LHFPL3: variants seen among roughly 807,000 people sequenced by gnomAD.
LHFPL3 encodes the protein LHFPL tetraspan subfamily member 3.
In LHFPL3, 5 loss-of-function variants were observed where a neutral mutation model predicts 19.3. The observed-to-expected ratio is 0.26, with a 90% confidence interval of 0.14 to 0.54. The LOEUF (loss-of-function observed/expected upper bound fraction) is 0.54, where lower values mean the gene tolerates loss of function less well. Among genes scored for constraint, LHFPL3 ranks in the 20% least tolerant of loss-of-function variants. LHFPL3 has a pLI of 0.94. For missense variants in LHFPL3, 249 were observed against 307.4 expected, an observed-to-expected ratio of 0.81 and a Z score of 1.42; for synonymous variants, 133 against 126.2, an observed-to-expected ratio of 1.05 and a Z score of -0.36.
intron 2 of LHFPL3, among the ~76,000 whole-genome samples, chr7:104,818,439 G>C (rs1584551890): frequency 6.6e-6 from 1 of 151,364 alleles, no homozygotes; most frequent in Non-Finnish European, 1.5e-5. Flanking sequence ...TACTCGGGAG[G>C]CTGAGACAGG....
At chr7:104,517,543 G>C (rs903675692) in intron 1 of LHFPL3, among the ~76,000 whole-genome samples, 3 of 102,528 alleles carry the variant, frequency 2.9e-5, no homozygotes, top group African/African-American at 1.2e-4. Flanking sequence ...TTTCACTCTT[G>C]TTGCCCAGGC....
intron 1 of LHFPL3, among the ~76,000 whole-genome samples, chr7:104,693,756 A>ACTACAGG (rs1348064340): frequency 6.7e-6 from 1 of 148,586 alleles, no homozygotes; most frequent in Non-Finnish European, 1.5e-5. Flanking sequence ...AGTAGCTGGG[A>ACTACAGG]CTACAGGCGC....
chr7:104,860,654 T>G (rs138899518), intron 2 of LHFPL3, among the ~76,000 whole-genome samples: 98 of 152,326 alleles, frequency 6.4e-4, no homozygotes, highest in African/African-American at 2.3e-3. Context: ...CTAAGTATCT[T>G]AAAAGGCAGC....
intron 2 of LHFPL3, among the ~76,000 whole-genome samples, chr7:104,877,123 T>C (rs1238590792): frequency 6.6e-6 from 1 of 152,052 alleles, no homozygotes; most frequent in African/African-American, 2.4e-5. Context: ...CCGGGGCCTG[T>C]TGTGGGGTCA....
chr7:104,741,477 A>C (rs1457630722), intron 2 of LHFPL3, among the ~76,000 whole-genome samples: 1 of 150,788 alleles, frequency 6.6e-6, no homozygotes, highest in Non-Finnish European at 1.5e-5. Context: ...AAAAAAAAAA[A>C]AAAGCCCCAC....
intron 2 of LHFPL3, among the ~76,000 whole-genome samples, chr7:104,903,471 T>C (rs1049037925): frequency 4.0e-5 from 6 of 149,690 alleles, no homozygotes; most frequent in African/African-American, 1.5e-4. Context: ...ACTTTTTTTT[T>C]TTTTTTTTTT....
chr7:104,656,092 T>G (rs369481747), intron 1 of LHFPL3, among the ~76,000 whole-genome samples: 2 of 152,182 alleles, frequency 1.3e-5, no homozygotes, highest in East Asian at 3.8e-4. Flanking sequence ...TCCATCTAAA[T>G]AAAATAAACA....
At chr7:104,478,182 T>TA (rs2115645522) in intron 1 of LHFPL3, among the ~76,000 whole-genome samples, 1 of 152,344 alleles carries the variant, frequency 6.6e-6, no homozygotes, top group African/African-American at 2.4e-5. Flanking sequence ...GACTTTTTTT[T>TA]ATTGGATATT....
chr7:104,393,545 G>A (rs376887471), intron 1 of LHFPL3, among the ~76,000 whole-genome samples: 3 of 151,958 alleles, frequency 2.0e-5, no homozygotes, highest in Non-Finnish European at 2.9e-5. Flanking sequence ...GTGAAACCCC[G>A]TCTCTACTAA....
At chr7:104,681,819 G>A (rs1184133544) in intron 1 of LHFPL3, among the ~76,000 whole-genome samples, 1 of 152,052 alleles carries the variant, frequency 6.6e-6, no homozygotes, top group East Asian at 1.9e-4. Context: ...ACCTTAAAGG[G>A]ACAACACTAG....
intron 2 of LHFPL3, among the ~76,000 whole-genome samples, chr7:104,853,935 G>GA (rs1320114297): frequency 6.6e-6 from 1 of 151,952 alleles, no homozygotes; most frequent in South Asian, 2.1e-4. Flanking sequence ...ACCCACCAGA[G>GA]AAAAAAAGGA....
At chr7:104,532,318 C>CTTTTTTTTTTTTTTTTTTTTTTTGTT (rs71155504) in intron 1 of LHFPL3, among the ~76,000 whole-genome samples, 2 of 87,230 alleles carry the variant, frequency 2.3e-5, no homozygotes, top group Non-Finnish European at 4.1e-5. Context: ...TTCTTTCTGT[C>CTTTTTTTTTTTTTTTTTTTTTTTGTT]TTTTTTTTTT....
intron 1 of LHFPL3, among the ~76,000 whole-genome samples, chr7:104,561,875 C>G (rs112355497): frequency 6.6e-6 from 1 of 152,040 alleles, no homozygotes; most frequent in Admixed American, 6.6e-5. Flanking sequence ...TAAGGCAGGC[C>G]TGGTGGTGAC....
In LHFPL3 at chr7:104,907,285, G is replaced by C. The variant is rs1792639327; in HGVS notation, c.*1070G>C. ...TAAACATATTTCTAAATAATAGTAA[G>C]TGGTACTAACAAAATAAATAATAAT... On this transcript the variant is annotated 3_prime_UTR_variant, in exon 3 of 3. Transcript: ENST00000424859. The C allele has an allele frequency of 6.6e-6, 1 of 152,048 alleles. No homozygotes were observed. The highest frequency in any genetic ancestry group is 6.6e-5 in the Admixed American group (1 of 15,228). The allele number at this position is 152,048 out of a possible 1,614,324, so 9.4% of individuals were successfully genotyped here. A position where few individuals can be genotyped will look rare whatever the true frequency, so the allele number is the denominator to read the frequency against.
At chr7:104,830,375 C>T (rs6956294) in intron 2 of LHFPL3, among the ~76,000 whole-genome samples, 32,735 of 151,442 alleles carry the variant, frequency 0.22, 3,871 homozygotes, top group South Asian at 0.39. Context: ...GTTGCCATTG[C>T]TTTTGGTGTT....
At chr7:104,640,306 A>T (rs1214108107) in intron 1 of LHFPL3, among the ~76,000 whole-genome samples, 2 of 151,440 alleles carry the variant, frequency 1.3e-5, no homozygotes, top group African/African-American at 4.9e-5. Context: ...CTGGTGTGTG[A>T]TTCCCCTCCC....
At chr7:104,746,471 A>C (rs529350887) in intron 2 of LHFPL3, among the ~76,000 whole-genome samples, 83 of 152,296 alleles carry the variant, frequency 5.4e-4, no homozygotes, top group Non-Finnish European at 1.6e-4. Flanking sequence ...ACTGATGAAA[A>C]AGCCAAGGCG....
intron 1 of LHFPL3, among the ~76,000 whole-genome samples, chr7:104,429,651 A>G (rs1281882847): frequency 6.6e-6 from 1 of 152,074 alleles, no homozygotes; most frequent in Non-Finnish European, 1.5e-5. Flanking sequence ...CAAAAAGGTC[A>G]GAATCTTAGC....
chr7:104,614,359 T>C (rs1005951780), intron 1 of LHFPL3, among the ~76,000 whole-genome samples: 3 of 152,186 alleles, frequency 2.0e-5, no homozygotes, highest in Non-Finnish European at 2.9e-5. Context: ...AAGTCTCTGT[T>C]ATTGAGCATA....
Sources: allele counts gnomAD v4.1 joint callset (sites outside exome capture counted in the v4.1 genomes callset), GRCh38; gene constraint gnomAD v4.1.1; transcripts MANE v1.5; gene names NCBI Gene and HGNC (gene_info 2026-07-23, HGNC 2026-07-21).